Variants in FGFR2 observed in about 807,000 individuals in gnomAD.
The protein encoded by FGFR2 is BEK fibroblast growth factor receptor.
FGFR2 carries 19 observed loss-of-function variants against 95.9 expected under a neutral mutation model. The observed-to-expected ratio is 0.20, with a 90% CI of 0.14 to 0.29. FGFR2 has a LOEUF of 0.29. Among genes scored for constraint, FGFR2 ranks in the 10% least tolerant of loss-of-function variants. FGFR2 has a pLI of 1.00. For synonymous variants in FGFR2, 392 were observed against 393.3 expected (o/e 1.00, Z 0.04); for missense variants, 707 against 1,056.9 (o/e 0.67, Z 4.59).
intron 2 of FGFR2, among the ~76,000 whole-genome samples, chr10:121,570,715 GT>G (rs1443354033): frequency 6.6e-6 from 1 of 152,196 alleles, no homozygotes; most frequent in Non-Finnish European, 1.5e-5. Context: ...CAGAGAATAT[GT>G]TTCCATGTAT....
rs2133675968 is a variant in FGFR2, at chr10:121,479,802, C to G, written c.*55G>C. ...CTCTGGGAGGCATGGTCTCCCTGCTCAGTGTAGCTAGGTTCCCAGTGCTGT... is the reference window on the plus strand; with the variant it reads ...CTCTGGGAGGCATGGTCTCCCTGCTGAGTGTAGCTAGGTTCCCAGTGCTGT... On this transcript the variant is annotated 3_prime_UTR_variant, in exon 18 of 18. Transcript: ENST00000358487. 6.2e-7 allele frequency: 1 copy of G among 1,613,886 alleles called. No individual in the cohort carries two copies. The highest frequency in any genetic ancestry group is 8.5e-7 in the Non-Finnish European group (1 of 1,179,836).
chr10:121,539,984 T>G (rs777109681), intron 5 of FGFR2, among the ~76,000 whole-genome samples: 1 of 152,224 alleles, frequency 6.6e-6, no homozygotes, highest in Non-Finnish European at 1.5e-5. Flanking sequence ...ACGGTTTTCA[T>G]GTCAGCCACT....
chr10:121,593,840 C>T lies in FGFR2; in HGVS notation c.-23G>A, dbSNP rs1049618522. The T allele has an allele frequency of 1.2e-6, 2 of 1,600,588 alleles. No homozygotes were observed. The highest frequency in any genetic ancestry group is 1.7e-6 in the Non-Finnish European group (2 of 1,167,780). On this transcript the variant is annotated 5_prime_UTR_variant, in exon 2 of 18. Coordinates refer to ENST00000358487, the MANE Select transcript of FGFR2 (RefSeq NM_000141.5). ...CATGGTTACGGTACCAATCCCCGGT[C>T]CTCTTCCATATCTCCATGTGGACGT...
intron 6 of FGFR2, among the ~76,000 whole-genome samples, chr10:121,530,967 ACT>A (rs1852000240): frequency 6.6e-6 from 1 of 152,052 alleles, no homozygotes; most frequent in Non-Finnish European, 1.5e-5. Context: ...CTTACATAAA[ACT>A]GTAAGATATT....
chr10:121,560,953 G>A (rs764524614), intron 4 of FGFR2, among the ~76,000 whole-genome samples: 1 of 152,120 alleles, frequency 6.6e-6, no homozygotes, highest in East Asian at 1.9e-4. Flanking sequence ...TGCTGGTCCA[G>A]GAACTTTACT....
Position 121,515,186 on chromosome 10 carries a change from C to CT in FGFR2, c.1217dup (p.Pro407AlafsTer27), listed in dbSNP as rs1286657912. The CT allele has an allele frequency of 6.2e-7, 1 of 1,614,202 alleles. No homozygotes were observed. The highest frequency in any genetic ancestry group is 1.3e-5 in the African/African-American group (1 of 75,038). On this transcript the variant is annotated frameshift_variant, in exon 9 of 18. Transcript: ENST00000358487. LOFTEE classifies it high-confidence loss of function. ...CAGCCGGCTGGCTGCTGAAGTCTGG[C>CT]TTCTTGGTCGTGTTCTTCATTCGGC... is the stretch of plus-strand genomic sequence containing the variant.
intron 5 of FGFR2, among the ~76,000 whole-genome samples, chr10:121,546,177 CTCTT>C (rs1232272926): frequency 1.7e-4 from 16 of 95,420 alleles, no homozygotes; most frequent in African/African-American, 1.1e-3. Context: ...TGAAGGTAAC[CTCTT>C]TATTAAAAAA....
intron 2 of FGFR2, among the ~76,000 whole-genome samples, chr10:121,591,007 G>A (rs1219641): frequency 0.54 from 78,044 of 143,534 alleles, 20,229 homozygotes; most frequent in South Asian, 0.65. Flanking sequence ...ACACACACAC[G>A]CACACTCTCT....
chr10:121,568,763 A>G (rs558036718), intron 2 of FGFR2, among the ~76,000 whole-genome samples: 4 of 152,142 alleles, frequency 2.6e-5, no homozygotes, highest in Non-Finnish European at 5.9e-5. Flanking sequence ...CCTTTCCTTC[A>G]CCTAAAATCA....
At chr10:121,577,178 T>TAGAGAGAGAGAGAGAGAGAG (rs1169688456) in intron 2 of FGFR2, among the ~76,000 whole-genome samples, 65 of 5,200 alleles carry the variant, frequency 0.013, 4 homozygotes, top group East Asian at 0.016. Flanking sequence ...TATATATATA[T>TAGAGAGAGAGAGAGAGAGAG]AGAGAGAGAG....
At chr10:121,575,912 G>A (rs549063667) in intron 2 of FGFR2, among the ~76,000 whole-genome samples, 82 of 151,412 alleles carry the variant, frequency 5.4e-4, no homozygotes, top group African/African-American at 2.0e-3. Context: ...AAGGCCGGGC[G>A]CAGTGGCTCA....
chr10:121,528,313 T>TTACTGGA (rs2134439082), intron 6 of FGFR2, among the ~76,000 whole-genome samples: 1 of 152,270 alleles, frequency 6.6e-6, no homozygotes, highest in East Asian at 1.9e-4. Context: ...AGGGTTTTTT[T>TTACTGGA]TACTGGAAAA....
chr10:121,513,967 T>G (rs1849369888), intron 9 of FGFR2, among the ~76,000 whole-genome samples: 1 of 152,110 alleles, frequency 6.6e-6, no homozygotes, highest in Non-Finnish European at 1.5e-5. Context: ...CCAGAAAATG[T>G]CATTCCTACC....
rs1454980594 is a variant in FGFR2 at position 121,479,142 on chromosome 10, C to T, written c.*715G>A. On this transcript the variant is annotated 3_prime_UTR_variant, in exon 18 of 18. Transcript: ENST00000358487. Reference sequence around the variant, plus strand: ...GATCTGATAACTAGTTAAGTCCAAGCAATAGATTAACTAGTCTGCTGTGCT... The same window carrying T: ...GATCTGATAACTAGTTAAGTCCAAGTAATAGATTAACTAGTCTGCTGTGCT... 2 of 232,516 alleles carry T rather than the reference C, an allele frequency of 8.6e-6. No individual in the cohort carries two copies. The highest frequency in any genetic ancestry group is 1.7e-5 in the Non-Finnish European group (2 of 117,492). The allele number at this position is 232,516 out of a possible 1,614,324, so 14.4% of individuals were successfully genotyped here.
chr10:121,501,412 CT>C (rs1847587496), intron 10 of FGFR2, among the ~76,000 whole-genome samples: 1 of 152,080 alleles, frequency 6.6e-6, no homozygotes, highest in Non-Finnish European at 1.5e-5. Context: ...CAGGATATGC[CT>C]CTTAAAAGCA....
At position 121,565,504 on chromosome 10, in the gene FGFR2, G is replaced by A. The variant is rs775253363; in HGVS notation, c.310C>T (p.Leu104Phe). ...IKGATPRDSG[L>F]YACTASRTVD... is the part of the protein sequence containing the mutation. ...GTCCTACTGGCAGTACAAGCATAGA[G>A]GCCGGAGTCTCTAGGCGTGGCGCCC... The change falls in exon 3 of 18, where the codon CTC becomes TTC. Residue 104 changes from leucine to phenylalanine, a missense_variant. Transcript: ENST00000358487. 2 of 1,614,230 alleles carry A rather than the reference G, an allele frequency of 1.2e-6. No homozygotes were observed. Among genetic ancestry groups the A allele is most frequent in the East Asian group, 2.2e-5 (1 of 44,882 alleles).
chr10:121,509,482 CTTTTTTTTTTTTTT>C (rs67778522), intron 9 of FGFR2, among the ~76,000 whole-genome samples: 4 of 45,352 alleles, frequency 8.8e-5, no homozygotes, highest in East Asian at 9.4e-4. Context: ...TGTTTCTTTT[CTTTTTTTTTTTTTT>C]TTTTTTTTTT....
intron 11 of FGFR2, among the ~76,000 whole-genome samples, chr10:121,500,610 G>T (rs559615865): frequency 6.6e-6 from 1 of 152,146 alleles, no homozygotes; most frequent in Non-Finnish European, 1.5e-5. Context: ...GGAGGCTACC[G>T]CTTTCTAACA....
At chr10:121,480,643 G>A (rs543087615) in intron 17 of FGFR2, among the ~76,000 whole-genome samples, 3 of 152,312 alleles carry the variant, frequency 2.0e-5, no homozygotes, top group African/African-American at 7.2e-5. Flanking sequence ...AGTTGAAAAT[G>A]TAAACAGGTT....
Sources: allele counts gnomAD v4.1 joint callset (sites outside exome capture counted in the v4.1 genomes callset), GRCh38; gene constraint gnomAD v4.1.1; transcripts MANE v1.5; gene names NCBI Gene and HGNC (gene_info 2026-07-23, HGNC 2026-07-21).